Variants in DLG2 observed in about 807,000 individuals in gnomAD.
The protein encoded by DLG2 is disks large homolog 2.
DLG2 carries 45 observed loss-of-function variants against 132.5 expected under a neutral mutation model. The observed-to-expected ratio is 0.34, with a 90% CI of 0.27 to 0.44. DLG2 has a LOEUF of 0.44. Ranked by LOEUF, DLG2 falls within the 20% of genes least tolerant of loss-of-function variation. The probability of loss-of-function intolerance (pLI) is 1.00; values close to 1 mark genes in which losing one functional copy is unlikely to be tolerated. For synonymous variants in DLG2, 424 were observed against 419.6 expected, an observed-to-expected ratio of 1.01 and a Z score of -0.13; for missense variants, 1,045 against 1,196.9, an observed-to-expected ratio of 0.87 and a Z score of 1.87.
At chr11:83,774,006 G>A (rs1477083209) in intron 18 of DLG2, among the ~76,000 whole-genome samples, 3 of 152,118 alleles carry the variant, frequency 2.0e-5, no homozygotes, top group African/African-American at 4.8e-5. Context: ...ATGTATCCAA[G>A]ACCAAACATG....
intron 6 of DLG2, among the ~76,000 whole-genome samples, chr11:84,972,760 CA>C (rs1188158766): frequency 2.8e-5 from 3 of 108,188 alleles, no homozygotes; most frequent in Non-Finnish European, 5.7e-5. Flanking sequence ...AAATTTACAT[CA>C]CTCACTTTCC....
chr11:85,022,608 T>C (rs11820110), intron 6 of DLG2, among the ~76,000 whole-genome samples: 2,077 of 152,160 alleles, frequency 0.014, 46 homozygotes, highest in African/African-American at 0.046. Context: ...GAGCCACGTT[T>C]TGTCTGTAAA....
chr11:83,920,018 G>C (rs754944604), intron 15 of DLG2, among the ~76,000 whole-genome samples: 5 of 152,172 alleles, frequency 3.3e-5, no homozygotes, highest in Non-Finnish European at 7.3e-5. Context: ...AGTTAGGGCT[G>C]AAATCTAGTC....
At chr11:85,427,649 C>T (rs1217402376) in intron 3 of DLG2, among the ~76,000 whole-genome samples, 2 of 152,176 alleles carry the variant, frequency 1.3e-5, no homozygotes, top group South Asian at 2.1e-4. Context: ...AAAGGAACAA[C>T]CGGTATCAGC....
At chr11:84,747,582 A>C (rs1565859121) in intron 6 of DLG2, among the ~76,000 whole-genome samples, 1 of 152,208 alleles carries the variant, frequency 6.6e-6, no homozygotes, top group East Asian at 1.9e-4. Context: ...AATTGCTATA[A>C]GATAAAATAA....
rs539949160 is a variant in DLG2, at chr11:84,636,938, C to T, written c.358-102207G>A. 6.4e-4 allele frequency among the ~76,000 whole-genome samples: 95 copies of T among 149,242 alleles called. 1 individual carries two copies. Among genetic ancestry groups the T allele is most frequent in the South Asian group, 1.1e-3 (5 of 4,700 alleles). Reference sequence around the variant, plus strand: ...CTGGGATTACAGGTGCCCACCACCACACCTGCTAATTTTTTTTTTTTTCCG... The same window carrying T: ...CTGGGATTACAGGTGCCCACCACCATACCTGCTAATTTTTTTTTTTTTCCG... On this transcript the variant is annotated intron_variant, in intron 6 of 27. Transcript: ENST00000376104.
chr11:84,379,439 T>C (rs1450084806), intron 7 of DLG2, among the ~76,000 whole-genome samples: 1 of 151,976 alleles, frequency 6.6e-6, no homozygotes, highest in Non-Finnish European at 1.5e-5. Flanking sequence ...CACACCTGAA[T>C]AGAGCACCAG....
At chr11:85,352,470 T>C (rs2083370693) in intron 3 of DLG2, among the ~76,000 whole-genome samples, 1 of 152,226 alleles carries the variant, frequency 6.6e-6, no homozygotes, top group Admixed American at 6.5e-5. Flanking sequence ...GTGTTTGCTC[T>C]TGCTTCTCAG....
At chr11:84,093,326 T>TGGG (rs1312917330) in intron 10 of DLG2, among the ~76,000 whole-genome samples, 1 of 152,182 alleles carries the variant, frequency 6.6e-6, no homozygotes, top group Non-Finnish European at 1.5e-5. Context: ...GCTGTCAGCC[T>TGGG]GGGGGCCTCT....
At chr11:84,091,523 T>C (rs2097093813) in intron 10 of DLG2, among the ~76,000 whole-genome samples, 1 of 152,148 alleles carries the variant, frequency 6.6e-6, no homozygotes, top group African/African-American at 2.4e-5. Flanking sequence ...GCCTGATCAG[T>C]GTTTCTGAAG....
At chr11:85,446,135 T>C (rs2091999201) in intron 3 of DLG2, among the ~76,000 whole-genome samples, 1 of 152,226 alleles carries the variant, frequency 6.6e-6, no homozygotes, top group South Asian at 2.1e-4. Flanking sequence ...AAAATGTTGG[T>C]ATGGTGTTTT....
chr11:85,035,862 C>T (rs1005807151), intron 6 of DLG2, among the ~76,000 whole-genome samples: 10 of 152,126 alleles, frequency 6.6e-5, no homozygotes, highest in African/African-American at 1.9e-4. Flanking sequence ...CCCCACCCAT[C>T]CGTCATGCAT....
chr11:84,727,508 A>G (rs770040198), intron 6 of DLG2, among the ~76,000 whole-genome samples: 5 of 152,146 alleles, frequency 3.3e-5, no homozygotes, highest in Non-Finnish European at 7.3e-5. Context: ...CTTGTAGTAC[A>G]GTGTGAAGTA....
intron 19 of DLG2, among the ~76,000 whole-genome samples, chr11:83,561,022 G>C (rs1341820707): frequency 6.6e-6 from 1 of 152,190 alleles, no homozygotes; most frequent in African/African-American, 2.4e-5. Context: ...ATGGCAGAAG[G>C]AGAATGGGAA....
At chr11:85,176,976 G>A (rs1053209156) in intron 4 of DLG2, among the ~76,000 whole-genome samples, 1 of 152,060 alleles carries the variant, frequency 6.6e-6, no homozygotes, top group African/African-American at 2.4e-5. Flanking sequence ...GCTTGGTTGT[G>A]GAGAAAAAGG....
intron 6 of DLG2, among the ~76,000 whole-genome samples, chr11:85,013,376 C>G (rs2059313147): frequency 6.6e-6 from 1 of 152,060 alleles, no homozygotes; most frequent in Admixed American, 6.6e-5. Context: ...CTGAAGTAGC[C>G]ATGGTGGAAG....
chr11:84,227,727 G>A (rs778226032), intron 8 of DLG2, among the ~76,000 whole-genome samples: 14 of 151,840 alleles, frequency 9.2e-5, no homozygotes, highest in Non-Finnish European at 1.5e-4. Context: ...CACCCTGGCC[G>A]ACATAATGAA....
intron 6 of DLG2, among the ~76,000 whole-genome samples, chr11:85,091,711 C>T (rs1284772693): frequency 1.3e-5 from 2 of 152,258 alleles, no homozygotes; most frequent in South Asian, 2.1e-4. Flanking sequence ...TTTGCTCATC[C>T]GTAACAAGCA....
At chr11:85,488,366 G>A (rs190599184) in intron 3 of DLG2, among the ~76,000 whole-genome samples, 162 of 151,850 alleles carry the variant, frequency 1.1e-3, no homozygotes, top group African/African-American at 3.5e-3. Context: ...TCCAGCCTAG[G>A]TGACACAGGG....
Sources: allele counts gnomAD v4.1 joint callset (sites outside exome capture counted in the v4.1 genomes callset), GRCh38; gene constraint gnomAD v4.1.1; transcripts MANE v1.5; gene names NCBI Gene and HGNC (gene_info 2026-07-23, HGNC 2026-07-21).